Variants in SPOCK1 observed in about 807,000 individuals in gnomAD.
SPOCK1 encodes SPARC (osteonectin), cwcv and kazal like domains proteoglycan 1, also known as testican-1.
A neutral mutation model predicts 55.3 loss-of-function variants in SPOCK1; 23 were observed. The observed-to-expected ratio is 0.42, with a 90% CI of 0.30 to 0.59. The LOEUF (loss-of-function observed/expected upper bound fraction) is 0.59, where lower values mean the gene tolerates loss of function less well. Among genes scored for constraint, SPOCK1 ranks in the 20% least tolerant of loss-of-function variants. SPOCK1 has a pLI of 0.22. For missense variants in SPOCK1, 499 were observed against 552.5 expected (o/e 0.90, Z 0.97); for synonymous variants, 226 against 221.0 (o/e 1.02, Z -0.20).
intron 3 of SPOCK1, among the ~76,000 whole-genome samples, chr5:137,159,801 T>C (rs1754489228): frequency 6.6e-6 from 1 of 152,224 alleles, no homozygotes; most frequent in African/African-American, 2.4e-5. Context: ...CTTTTAATTC[T>C]AGTTCTCTTT....
At chr5:137,310,470 A>C (rs1464410653) in intron 2 of SPOCK1, among the ~76,000 whole-genome samples, 1 of 152,232 alleles carries the variant, frequency 6.6e-6, no homozygotes, top group African/African-American at 2.4e-5. Context: ...ACTACAGTTG[A>C]AATAATTGTT....
rs1561568588 is a variant in SPOCK1 at position 136,978,614 on chromosome 5, G to A, written c.*40C>T. 2 of 1,553,294 alleles carry A rather than the reference G, an allele frequency of 1.3e-6. No homozygotes were observed. The highest frequency in any genetic ancestry group is 1.7e-6 in the Non-Finnish European group (2 of 1,152,024). ...CAAATGCAGGAATAGGAAGTGACTT[G>A]CAATTTTGTGCAAAACTTGTGTCCT... On this transcript the variant is annotated 3_prime_UTR_variant, in exon 11 of 11. Transcript: ENST00000394945.
At chr5:137,446,103 T>C (rs1753121594) in intron 2 of SPOCK1, among the ~76,000 whole-genome samples, 1 of 152,202 alleles carries the variant, frequency 6.6e-6, no homozygotes. Flanking sequence ...TTAAATTATA[T>C]ATATGCAGGC....
At chr5:137,238,007 G>C (rs1369249636) in intron 3 of SPOCK1, among the ~76,000 whole-genome samples, 1 of 152,196 alleles carries the variant, frequency 6.6e-6, no homozygotes, top group Non-Finnish European at 1.5e-5. Flanking sequence ...CGGGATGAAG[G>C]AGATCTAGAT....
chr5:137,083,391 A>G (rs1022576113), intron 5 of SPOCK1, among the ~76,000 whole-genome samples: 3 of 152,142 alleles, frequency 2.0e-5, no homozygotes, highest in Non-Finnish European at 2.9e-5. Flanking sequence ...CAGCCTTACA[A>G]GCTCTGAGGA....
chr5:137,038,586 G>A (rs1448246138), intron 6 of SPOCK1, among the ~76,000 whole-genome samples: 3 of 152,292 alleles, frequency 2.0e-5, no homozygotes, highest in Middle Eastern at 3.4e-3. Context: ...CAAAAAATTG[G>A]TGAGGAGCTT....
intron 2 of SPOCK1, among the ~76,000 whole-genome samples, chr5:137,471,067 C>T (rs1753729437): frequency 6.6e-6 from 1 of 152,168 alleles, no homozygotes; most frequent in South Asian, 2.1e-4. Context: ...CAGCACGTGG[C>T]ATGCAGTAAA....
chr5:137,167,024 G>C (rs1429904512), intron 3 of SPOCK1, among the ~76,000 whole-genome samples: 2 of 151,884 alleles, frequency 1.3e-5, no homozygotes, highest in Non-Finnish European at 2.9e-5. Flanking sequence ...GTCATAGAGT[G>C]GCTGAATGGA....
intron 6 of SPOCK1, among the ~76,000 whole-genome samples, chr5:137,057,411 A>T: frequency 6.6e-6 from 1 of 152,212 alleles, no homozygotes; most frequent in East Asian, 1.9e-4. Context: ...ACATTCAACC[A>T]ACTATTGATT....
intron 2 of SPOCK1, among the ~76,000 whole-genome samples, chr5:137,430,657 A>G (rs1214286104): frequency 6.6e-6 from 1 of 152,198 alleles, no homozygotes; most frequent in Non-Finnish European, 1.5e-5. Context: ...CCTTGGTTGG[A>G]GAAGATTTTG....
intron 4 of SPOCK1, among the ~76,000 whole-genome samples, chr5:137,131,356 T>C (rs1394783321): frequency 6.6e-6 from 1 of 152,232 alleles, no homozygotes; most frequent in African/African-American, 2.4e-5. Context: ...ACGCCTGTAA[T>C]CCCAGCACTG....
chr5:137,490,500 C>A (rs1335789952), intron 2 of SPOCK1, among the ~76,000 whole-genome samples: 1 of 152,150 alleles, frequency 6.6e-6, no homozygotes, highest in Non-Finnish European at 1.5e-5. Context: ...CCGGTTGGAT[C>A]ATTTGTCTCA....
intron 2 of SPOCK1, among the ~76,000 whole-genome samples, chr5:137,290,935 T>G (rs998822694): frequency 1.3e-5 from 2 of 152,228 alleles, no homozygotes; most frequent in Non-Finnish European, 2.9e-5. Context: ...AGTGCTGGTA[T>G]CTTTCCAAGT....
At chr5:137,319,972 A>C (rs1365062771) in intron 2 of SPOCK1, among the ~76,000 whole-genome samples, 2 of 136,212 alleles carry the variant, frequency 1.5e-5, no homozygotes, top group Non-Finnish European at 3.2e-5. Context: ...AAAAAAAAAA[A>C]ACAACACATG....
chr5:137,134,516 A>T (rs1753944226), intron 4 of SPOCK1, among the ~76,000 whole-genome samples: 1 of 151,668 alleles, frequency 6.6e-6, no homozygotes, highest in African/African-American at 2.4e-5. Flanking sequence ...TTAATGGAGA[A>T]CCCCAAAGCA....
intron 2 of SPOCK1, among the ~76,000 whole-genome samples, chr5:137,497,866 A>G (rs999520465): frequency 6.6e-6 from 1 of 151,364 alleles, no homozygotes; most frequent in Non-Finnish European, 1.5e-5. Flanking sequence ...ACACACACAC[A>G]TGCAACACCT....
At chr5:137,286,745 G>A (rs1215897783) in intron 2 of SPOCK1, among the ~76,000 whole-genome samples, 2 of 152,138 alleles carry the variant, frequency 1.3e-5, no homozygotes, top group Non-Finnish European at 2.9e-5. Context: ...ACCAAGTCTC[G>A]GCCACAAGGA....
chr5:137,401,794 A>C (rs1751987601), intron 2 of SPOCK1, among the ~76,000 whole-genome samples: 1 of 152,050 alleles, frequency 6.6e-6, no homozygotes, highest in Non-Finnish European at 1.5e-5. Flanking sequence ...TAATTTTCTC[A>C]AGGTCACACA....
intron 2 of SPOCK1, among the ~76,000 whole-genome samples, chr5:137,489,000 G>A (rs1754119643): frequency 6.6e-6 from 1 of 152,166 alleles, no homozygotes; most frequent in African/African-American, 2.4e-5. Flanking sequence ...CATGAGAAAA[G>A]CTACCAAATC....
Sources: allele counts gnomAD v4.1 joint callset (sites outside exome capture counted in the v4.1 genomes callset), GRCh38; gene constraint gnomAD v4.1.1; transcripts MANE v1.5; gene names NCBI Gene and HGNC (gene_info 2026-07-23, HGNC 2026-07-21).